The following CPNE9 variants were observed in gnomAD, a reference collection of about 807,000 sequenced individuals.
The protein encoded by CPNE9 is copine-9.
A neutral mutation model predicts 83.0 loss-of-function variants in CPNE9; 59 were observed. That is an observed-to-expected ratio of 0.71 (90% confidence interval 0.58 to 0.88). CPNE9 has a LOEUF of 0.88. CPNE9 is among the 40% of genes least tolerant of loss of function. The pLI, the probability that CPNE9 is intolerant of heterozygous loss-of-function variation, is 0.00. For missense variants in CPNE9, 619 were observed against 720.8 expected, an observed-to-expected ratio of 0.86 and a Z score of 1.62; for synonymous variants, 256 against 273.4, an observed-to-expected ratio of 0.94 and a Z score of 0.63.
chr3:9,715,991 C>G lies in CPNE9; in HGVS notation c.840C>G (p.Phe280Leu). The change falls in exon 14 of 21, where the codon TTC (phenylalanine) becomes TTG (leucine). Residue 280 changes from phenylalanine (F) to leucine (L), a missense_variant. This residue lies in a region of CPNE9 where 438 missense variants were observed against 562.9 expected (regional missense o/e 0.78). Coordinates refer to ENST00000383832, the MANE Select transcript of CPNE9 (RefSeq NM_153635.3). ...VNSGTVTLLS[F>L]SVDSEFTFVD... ...TCCCACAGGTGACGCTGCTCTCCTT[C>G]TCTGTGGACTCTGAATTCACTTTTG... 1 of 1,611,874 alleles carries G rather than the reference C, an allele frequency of 6.2e-7. No homozygotes were observed. The highest frequency in any genetic ancestry group is 1.3e-5 in the African/African-American group (1 of 75,030).
intron 17 of CPNE9, among the ~76,000 whole-genome samples, chr3:9,725,698 G>GTT (rs2076777418): frequency 9.5e-6 from 1 of 105,648 alleles, no homozygotes; most frequent in Admixed American, 1.0e-4. Flanking sequence ...ACATATATGT[G>GTT]TATATATGTG....
At chr3:9,729,259 C>T (rs574622348) in intron 20 of CPNE9, among the ~76,000 whole-genome samples, 18 of 151,972 alleles carry the variant, frequency 1.2e-4, no homozygotes, top group Non-Finnish European at 2.5e-4. Flanking sequence ...GGGCCACTGA[C>T]GACATCAGCA....
rs374162689 is a variant in CPNE9, at chr3:9,704,850, C to T, written c.157-41C>T. On this transcript the variant is annotated intron_variant, in intron 3 of 20. Coordinates refer to ENST00000383832, the MANE Select transcript of CPNE9 (RefSeq NM_153635.3). The surrounding 1 kb of genome is among the most constrained non-coding windows in gnomAD (Gnocchi z 7.1). ...GGCGTCGCCCGGGAATTCCCCTGCC[C>T]GTCTGCACGTCCCACGCTGACCCTC... 5.4e-5 allele frequency: 86 copies of T among 1,602,170 alleles called. No homozygotes were observed. The highest frequency in any genetic ancestry group is 6.7e-5 in the Non-Finnish European group (78 of 1,172,276).
chr3:9,713,149 G>A, intron 10 of CPNE9, 70 bp downstream of exon 10: 3 of 1,154,244 alleles, frequency 2.6e-6, no homozygotes, highest in South Asian at 1.3e-5. Flanking sequence ...GCCCAAGAAT[G>A]ATAGTAGAAG....
chr3:9,728,103 G>A (rs1000254766), intron 20 of CPNE9, among the ~76,000 whole-genome samples: 2 of 152,228 alleles, frequency 1.3e-5, no homozygotes, highest in African/African-American at 4.8e-5. Flanking sequence ...CTAGAATTCA[G>A]TTGTGAACAC....
At position 9,715,285 on chromosome 3, in the gene CPNE9, G is replaced by A; in HGVS notation, c.693-4G>A. On this transcript the variant is annotated splice_polypyrimidine_tract_variant and splice_region_variant and intron_variant, in intron 11 of 20. Coordinates refer to ENST00000383832, the MANE Select transcript of CPNE9 (RefSeq NM_153635.3). ...GCTGCTTAGCCACGCCCACCTCATT[G>A]CAGCCACGATTTCATTGGTGAGTTC... 1 of 1,614,116 alleles carries A rather than the reference G, an allele frequency of 6.2e-7. No homozygotes were observed. Among genetic ancestry groups the A allele is most frequent in the Non-Finnish European group, 8.5e-7 (1 of 1,180,012 alleles).
chr3:9,711,549 C>A (rs1324731781), intron 7 of CPNE9, among the ~76,000 whole-genome samples: 1 of 152,124 alleles, frequency 6.6e-6, no homozygotes, highest in East Asian at 1.9e-4. Context: ...CATCACACTC[C>A]CTCTTTGCAA....
intron 7 of CPNE9, among the ~76,000 whole-genome samples, chr3:9,711,921 A>G (rs1249864969): frequency 1.3e-5 from 2 of 152,206 alleles, no homozygotes; most frequent in Non-Finnish European, 2.9e-5. Flanking sequence ...GGGTCTGGAC[A>G]GAAATTCTTC....
At chr3:9,722,573 C>G (rs936728786) in intron 17 of CPNE9, among the ~76,000 whole-genome samples, 15 of 151,952 alleles carry the variant, frequency 9.9e-5, no homozygotes, top group African/African-American at 3.6e-4. Flanking sequence ...TGTAGTGGTA[C>G]CATTACAGCT....
chr3:9,709,722 G>A (rs770518085), intron 7 of CPNE9, among the ~76,000 whole-genome samples: 3 of 151,890 alleles, frequency 2.0e-5, no homozygotes, highest in South Asian at 2.1e-4. Context: ...CCTGTAATCC[G>A]AGCACTTTAG....
At chr3:9,727,321 T>C (rs1281810695) in intron 20 of CPNE9, 135 bp downstream of exon 20, 14 of 996,706 alleles carry the variant, frequency 1.4e-5, no homozygotes, top group African/African-American at 3.2e-5. Flanking sequence ...TTCTCATTCA[T>C]TGAATACATC....
intron 10 of CPNE9, among the ~76,000 whole-genome samples, 170 bp from the exon 11 acceptor site, chr3:9,714,744 G>C (rs552980786): frequency 6.6e-6 from 1 of 151,784 alleles, no homozygotes; most frequent in African/African-American, 2.4e-5. Context: ...TTGGGTACAG[G>C]CACAGACTGA....
chr3:9,721,447 T>C (rs560527994), intron 17 of CPNE9, among the ~76,000 whole-genome samples: 4 of 152,240 alleles, frequency 2.6e-5, no homozygotes, highest in Non-Finnish European at 5.9e-5. Flanking sequence ...TATAGTCTTA[T>C]GTACTTATAG....
intron 4 of CPNE9, 51 bp from the exon 5 acceptor site, chr3:9,705,413 A>AAAACCCCCCCCCCCCC: frequency 1.3e-6 from 1 of 780,138 alleles, no homozygotes; most frequent in Non-Finnish European, 2.1e-6. Context: ...ACCCCTTTCC[A>AAAACCCCCCCCCCCCC]CCCTCTCCCC....
At chr3:9,725,672 ATG>A (rs896155234) in intron 17 of CPNE9, among the ~76,000 whole-genome samples, 7 of 29,012 alleles carry the variant, frequency 2.4e-4, no homozygotes, top group South Asian at 8.2e-4. Context: ...ATGTATATAT[ATG>A]TGTATATATA....
At chr3:9,721,847 C>T (rs1431697814) in intron 17 of CPNE9, among the ~76,000 whole-genome samples, 1 of 152,160 alleles carries the variant, frequency 6.6e-6, no homozygotes, top group Non-Finnish European at 1.5e-5. Context: ...AGCTTCATAA[C>T]CCCTTGGGGA....
In CPNE9 at chr3:9,714,755, T is replaced by C. The variant is rs190458163; in HGVS notation, c.651-159T>C. On this transcript the variant is annotated intron_variant, in intron 10 of 20. Coordinates refer to ENST00000383832, the MANE Select transcript of CPNE9 (RefSeq NM_153635.3). ...GTGGTTGGGTACAGGCACAGACTGA[T>C]GAATGAATAGACAGGATGGGAGGCA... 3.1e-3 allele frequency among the ~76,000 whole-genome samples: 467 copies of C among 151,018 alleles called. 12 individuals are homozygous for C. Among genetic ancestry groups the C allele is most frequent in the Admixed American group, 0.027 (405 of 15,132 alleles).
rs567112977 is a variant in CPNE9, at chr3:9,725,790, C to T, written c.1242-159C>T. Among the ~76,000 whole-genome samples, 8 of 151,464 alleles carry T rather than the reference C, an allele frequency of 5.3e-5. No homozygotes were observed. In the East Asian group the frequency reaches 1.6e-3, roughly 29 times the overall value. On this transcript the variant is annotated intron_variant, in intron 17 of 20. Coordinates refer to ENST00000383832, the MANE Select transcript of CPNE9 (RefSeq NM_153635.3). ...ATGGATATATACACATATATATATG[C>T]AGGCAGTGGCAGGCTGCCAGGTCTG...
rs1215284929 is a variant in CPNE9, at chr3:9,704,400, T to C, written c.69-187T>C. On this transcript the variant is annotated intron_variant, in intron 1 of 20. Coordinates refer to ENST00000383832, the MANE Select transcript of CPNE9 (RefSeq NM_153635.3). The surrounding 1 kb of genome is among the most constrained non-coding windows in gnomAD (Gnocchi z 7.1). Reference sequence around the variant, plus strand: ...CGTTCGCGTCCAGTCCGCAGAGCCATGGTTCCTGGACAGCGATTTCCGGTG... The same window carrying C: ...CGTTCGCGTCCAGTCCGCAGAGCCACGGTTCCTGGACAGCGATTTCCGGTG... 6.6e-6 allele frequency among the ~76,000 whole-genome samples: 1 copy of C among 152,148 alleles called. No individual in the cohort carries two copies. Among genetic ancestry groups the C allele is most frequent in the East Asian group, 1.9e-4 (1 of 5,172 alleles).
Sources: allele counts gnomAD v4.1 joint callset (sites outside exome capture counted in the v4.1 genomes callset), GRCh38; gene constraint gnomAD v4.1.1; regional missense constraint gnomAD v4.1.1; non-coding constraint Gnocchi (gnomAD v3.1); transcripts MANE v1.5; gene names NCBI Gene and HGNC (gene_info 2026-07-23, HGNC 2026-07-21).